GPC6: variants seen among roughly 807,000 people sequenced by gnomAD.
GPC6 encodes glypican-6.
Under a neutral mutation model 55.2 loss-of-function variants are expected in GPC6, and 14 were observed. The observed-to-expected ratio is 0.25, with a 90% CI of 0.17 to 0.40. The LOEUF is 0.40. Among genes scored for constraint, GPC6 ranks in the 10% least tolerant of loss-of-function variants. GPC6 has a pLI of 1.00. For synonymous variants in GPC6, 278 were observed against 259.6 expected (o/e 1.07, Z -0.68); for missense variants, 641 against 708.5 (o/e 0.90, Z 1.08).
chr13:94,149,251 C>T (rs953370777), intron 4 of GPC6, among the ~76,000 whole-genome samples: 11 of 152,110 alleles, frequency 7.2e-5, no homozygotes, highest in South Asian at 2.1e-4. Flanking sequence ...AAGAGAGCCC[C>T]GAAGTCCCCC....
intron 2 of GPC6, among the ~76,000 whole-genome samples, chr13:93,640,585 C>A (rs1257272708): frequency 6.6e-6 from 1 of 151,980 alleles, no homozygotes; most frequent in East Asian, 1.9e-4. Context: ...AACTCTCTAT[C>A]AAGAAATGGA....
intron 2 of GPC6, among the ~76,000 whole-genome samples, chr13:93,776,211 A>G (rs1185105451): frequency 1.3e-5 from 2 of 152,130 alleles, no homozygotes; most frequent in African/African-American, 4.8e-5. Flanking sequence ...TAGGGAGTAG[A>G]ATTTCATTAT....
intron 2 of GPC6, among the ~76,000 whole-genome samples, chr13:93,699,593 G>A (rs544858227): frequency 2.0e-5 from 3 of 152,140 alleles, no homozygotes; most frequent in South Asian, 4.1e-4. Flanking sequence ...ATACGTTGTT[G>A]ACTTTTTATA....
chr13:94,298,448 A>C (rs903227830), intron 5 of GPC6, among the ~76,000 whole-genome samples: 2 of 152,190 alleles, frequency 1.3e-5, no homozygotes, highest in Non-Finnish European at 1.5e-5. Flanking sequence ...GCCGCTGTTT[A>C]TCATTTTGAC....
At chr13:94,032,380 T>C (rs9524316) in intron 4 of GPC6, among the ~76,000 whole-genome samples, 29,328 of 152,168 alleles carry the variant, frequency 0.19, 3,088 homozygotes, top group East Asian at 0.39. Context: ...AGCCCTACTT[T>C]GTTAAGTGTA....
At chr13:93,711,275 A>G (rs1309384434) in intron 2 of GPC6, among the ~76,000 whole-genome samples, 1 of 151,772 alleles carries the variant, frequency 6.6e-6, no homozygotes, top group Non-Finnish European at 1.5e-5. Flanking sequence ...CCTCACAATC[A>G]TGGTGGAAAA....
chr13:93,781,719 A>G (rs1323587872), intron 2 of GPC6, among the ~76,000 whole-genome samples: 4 of 152,218 alleles, frequency 2.6e-5, no homozygotes, highest in African/African-American at 9.6e-5. Context: ...CACAAAAGTC[A>G]GGGCTAATAG....
At chr13:93,880,528 C>T (rs1874893263) in intron 3 of GPC6, among the ~76,000 whole-genome samples, 1 of 151,842 alleles carries the variant, frequency 6.6e-6, no homozygotes, top group African/African-American at 2.4e-5. Flanking sequence ...ATCACATGGA[C>T]ACAGGAAGGG....
intron 1 of GPC6, among the ~76,000 whole-genome samples, chr13:93,438,642 A>C (rs1877661811): frequency 6.6e-6 from 1 of 152,192 alleles, no homozygotes; most frequent in Admixed American, 6.6e-5. Flanking sequence ...CTTCTTAAGG[A>C]TAAGTGAAGA....
chr13:93,717,270 C>G (rs913205421), intron 2 of GPC6, among the ~76,000 whole-genome samples: 3 of 151,604 alleles, frequency 2.0e-5, no homozygotes, highest in Non-Finnish European at 3.0e-5. Flanking sequence ...TCCAGTTTAC[C>G]TTCATAATGA....
chr13:93,585,137 C>G (rs1356329454), intron 2 of GPC6, among the ~76,000 whole-genome samples: 4 of 152,198 alleles, frequency 2.6e-5, no homozygotes, highest in Non-Finnish European at 4.4e-5. Flanking sequence ...CTTGTTGTGA[C>G]AACCGATATG....
intron 1 of GPC6, among the ~76,000 whole-genome samples, chr13:93,302,882 G>A (rs898544394): frequency 2.0e-5 from 3 of 152,152 alleles, no homozygotes; most frequent in African/African-American, 7.2e-5. Flanking sequence ...AGCCAGCTGG[G>A]CCTCCTAAGT....
intron 2 of GPC6, among the ~76,000 whole-genome samples, chr13:93,572,451 T>C (rs1380020927): frequency 2.0e-5 from 3 of 152,092 alleles, no homozygotes; most frequent in African/African-American, 7.2e-5. Context: ...GGTAGCTTGT[T>C]AGAAGTACCT....
At chr13:93,594,944 G>T (rs1476144127) in intron 2 of GPC6, among the ~76,000 whole-genome samples, 1 of 151,990 alleles carries the variant, frequency 6.6e-6, no homozygotes, top group Non-Finnish European at 1.5e-5. Context: ...TCACATTGGT[G>T]ATTGGTTTTT....
At chr13:93,511,058 G>A (rs960665498) in intron 1 of GPC6, among the ~76,000 whole-genome samples, 1 of 137,544 alleles carries the variant, frequency 7.3e-6, no homozygotes, top group Non-Finnish European at 1.6e-5. Context: ...TTTTCCTGTT[G>A]AGTTTTTTGA....
At chr13:94,290,341 A>C (rs993989371) in intron 5 of GPC6, among the ~76,000 whole-genome samples, 19 of 149,232 alleles carry the variant, frequency 1.3e-4, no homozygotes, top group Non-Finnish European at 2.1e-4. Flanking sequence ...GGTTCACTTG[A>C]GTCAGAGAGG....
At chr13:94,079,577 G>A (rs771926582) in intron 4 of GPC6, among the ~76,000 whole-genome samples, 22 of 152,236 alleles carry the variant, frequency 1.4e-4, no homozygotes, top group Admixed American at 4.6e-4. Flanking sequence ...ATGTTTCTGC[G>A]AGGTTGCTTT....
Position 93,945,952 on chromosome 13 carries a change from G to A in GPC6, c.712-81777G>A, listed in dbSNP as rs376863821. On this transcript the variant is annotated intron_variant, in intron 3 of 8. Transcript: ENST00000377047. ...TTGCATAATAGATGTCAAAATACTC[G>A]ACGTTTTTTCTTTTCTACTCACAAT... 1.7e-4 allele frequency among the ~76,000 whole-genome samples: 26 copies of A among 152,122 alleles called. 1 individual carries two copies. In the East Asian group the frequency reaches 2.5e-3, roughly 15 times the overall value.
intron 4 of GPC6, among the ~76,000 whole-genome samples, chr13:94,063,500 A>C (rs1320146182): frequency 6.6e-6 from 1 of 152,210 alleles, no homozygotes; most frequent in South Asian, 2.1e-4. Flanking sequence ...CATTATTCTC[A>C]GGATAAATCA....
Sources: allele counts gnomAD v4.1 joint callset (sites outside exome capture counted in the v4.1 genomes callset), GRCh38; gene constraint gnomAD v4.1.1; transcripts MANE v1.5; gene names NCBI Gene and HGNC (gene_info 2026-07-23, HGNC 2026-07-21).